Variants in DNAJC22 observed in about 807,000 individuals in gnomAD.
DNAJC22 encodes the protein DnaJ heat shock protein family (Hsp40) member C22, also known as dnaJ homolog subfamily C member 22.
Under a neutral mutation model 22.2 loss-of-function variants are expected in DNAJC22, and 24 were observed. The ratio of observed to expected loss-of-function variants is 1.08; its 90% CI spans 0.78 to 1.52. DNAJC22 has a LOEUF of 1.52. Among genes scored for constraint, DNAJC22 ranks in the 40% most tolerant of loss-of-function variants. DNAJC22 has a pLI of 0.00. For missense variants in DNAJC22, 434 were observed against 421.7 expected (o/e 1.03, Z -0.26); for synonymous variants, 160 against 167.4 (o/e 0.96, Z 0.34).
In DNAJC22 at chr12:49,351,484, C is replaced by T. The variant is rs374268136; in HGVS notation, c.1008C>T (p.Pro336=). Residue 336 remains proline, a synonymous_variant, in exon 4 of 4, where the codon CCC becomes CCT. Coordinates refer to ENST00000549441, the MANE Select transcript of DNAJC22 (RefSeq NM_001304944.2). The part of the protein sequence containing the change: ...AYEVLSQPRK[P]WGSRR ...AAGTCCTGAGTCAACCCAGGAAGCC[C>T]TGGGGATCCCGGAGGTGAAAAGAAA... 5.9e-4 allele frequency: 919 copies of T among 1,551,732 alleles called. 18 individuals are homozygous for T. The South Asian group carries it at 0.01, about 18-fold the overall frequency.
rs1424260601 is a variant in DNAJC22, at chr12:49,348,877, C to A, written c.5C>A (p.Ala2Asp). The A allele has an allele frequency of 2.1e-5, 32 of 1,495,464 alleles. No individual in the cohort carries two copies. The highest frequency in any genetic ancestry group is 2.8e-5 in the Non-Finnish European group (32 of 1,123,706). 92.6% of individuals were successfully genotyped at this position (1,495,464 alleles called of 1,614,324 possible). ...CTGAGACCTTTGCCCTAGAGGATGG[C>A]CAAGGGGCTCCTGGTGACCTATGCC... is the stretch of plus-strand genomic sequence containing the variant. M[A>D]KGLLVTYALW... Residue 2 changes from alanine to aspartate, a missense_variant, in exon 3 of 4, where the codon GCC (alanine) becomes GAC (aspartate). By Grantham distance (126) the Ala-to-Asp change is moderately radical. Transcript: ENST00000549441.
rs1054519676 is a variant in DNAJC22 at position 49,347,756 on chromosome 12, C to T, written c.-457C>T. The T allele has an allele frequency of 1.3e-5, 2 of 152,484 alleles. No homozygotes were observed. The highest frequency in any genetic ancestry group is 6.5e-5 in the Admixed American group (1 of 15,294). 9.4% of individuals were successfully genotyped at this position (152,484 alleles called of 1,614,324 possible). Reference sequence around the variant, plus strand: ...GGTGTCTGGGGACCGCCCGGACCCCCCCTTCCATCGGCGGCAGCGCCACCT... The same window carrying T: ...GGTGTCTGGGGACCGCCCGGACCCCTCCTTCCATCGGCGGCAGCGCCACCT... On this transcript the variant is annotated 5_prime_UTR_variant, in exon 2 of 4. Transcript: ENST00000549441.
Position 49,349,094 on chromosome 12 carries a change from C to G in DNAJC22, c.222C>G (p.Pro74=), listed in dbSNP as rs1393583190. 2.5e-6 allele frequency: 4 copies of G among 1,614,150 alleles called. No homozygotes were observed. Among genetic ancestry groups the G allele is most frequent in the Non-Finnish European group, 3.4e-6 (4 of 1,180,020 alleles). ...GQRQSPRGVT[P]PLSPIRFAAQ... ...GGCAGAGCCCCAGAGGGGTGACACC[C>G]CCTCTGAGTCCCATTCGCTTTGCTG... The change falls in exon 3 of 4, where the codon CCC becomes CCG. Residue 74 remains proline (P), a synonymous_variant. Transcript: ENST00000549441.
chr12:49,348,917 GGGCC>G lies in DNAJC22; in HGVS notation c.46_49del (p.Gly16LeufsTer20). Reference sequence around the variant, plus strand: ...TGACCTATGCCCTCTGGGCTGTGGGGGGCCCTGCTGGGCTCCACCACCTGTACCT... The same window carrying G: ...TGACCTATGCCCTCTGGGCTGTGGGGCTGCTGGGCTCCACCACCTGTACCT... On this transcript the variant is annotated frameshift_variant, in exon 3 of 4. Transcript: ENST00000549441. LOFTEE classifies it high-confidence loss of function. 8 of 1,519,542 alleles carry G rather than the reference GGGCC, an allele frequency of 5.3e-6. No homozygotes were observed. Among genetic ancestry groups the G allele is most frequent in the Non-Finnish European group, 7.0e-6 (8 of 1,136,640 alleles). The allele number at this position is 1,519,542 out of a possible 1,614,324, so 94.1% of individuals were successfully genotyped here.
Position 49,349,590 on chromosome 12 carries a change from T to C in DNAJC22, c.718T>C (p.Tyr240His). ...CATGGAGTTTGTCCTCCTTCTGCCT[T>C]ACCGGATCTGGAGGCTACTGATGGG... is the stretch of plus-strand genomic sequence containing the variant. ...RLMEFVLLLP[Y>H]RIWRLLMGET... The change falls in exon 3 of 4, where the codon TAC (tyrosine) becomes CAC (histidine). Residue 240 changes from tyrosine (Y) to histidine (H), a missense_variant. By Grantham distance (83) the Tyr-to-His change is moderately conservative. Coordinates refer to ENST00000549441, the MANE Select transcript of DNAJC22 (RefSeq NM_001304944.2). The C allele has an allele frequency of 6.2e-7, 1 of 1,614,248 alleles. No individual in the cohort carries two copies. Among genetic ancestry groups the C allele is most frequent in the Non-Finnish European group, 8.5e-7 (1 of 1,180,034 alleles).
Position 49,353,131 on chromosome 12 carries a change from G to A in DNAJC22, c.*1629G>A, listed in dbSNP as rs1408458840. On this transcript the variant is annotated 3_prime_UTR_variant, in exon 4 of 4. Coordinates refer to ENST00000549441, the MANE Select transcript of DNAJC22 (RefSeq NM_001304944.2). ...CTTTGGGAAACCCTAGGGAACCAGC[G>A]GCTAGAGCATCTCAAGGGGGCCTTA... 7 of 152,210 alleles carry A rather than the reference G, an allele frequency of 4.6e-5. No homozygotes were observed. Among genetic ancestry groups the A allele is most frequent in the South Asian group, 4.1e-4 (2 of 4,822 alleles). 9.4% of individuals were successfully genotyped at this position (152,210 alleles called of 1,614,324 possible). A position where few individuals can be genotyped will look rare whatever the true frequency, so the allele number is the denominator to read the frequency against.
rs1430821492 is a variant in DNAJC22, at chr12:49,351,828, A to G, written c.*326A>G. ...GGCAGGAGAATCACCTGAACCTGAG[A>G]GGCGGAGGTTGCAGTGAGCCGAGAT... On this transcript the variant is annotated 3_prime_UTR_variant, in exon 4 of 4. Coordinates refer to ENST00000549441, the MANE Select transcript of DNAJC22 (RefSeq NM_001304944.2). 3 of 159,972 alleles carry G rather than the reference A, an allele frequency of 1.9e-5. No homozygotes were observed. The highest frequency in any genetic ancestry group is 7.3e-5 in the African/African-American group (3 of 41,358). The allele number at this position is 159,972 out of a possible 1,614,324, so 9.9% of individuals were successfully genotyped here. A position where few individuals can be genotyped will look rare whatever the true frequency, so the allele number is the denominator to read the frequency against.
In DNAJC22 at chr12:49,349,549, C is replaced by T; in HGVS notation, c.677C>T (p.Pro226Leu). 1.9e-6 allele frequency: 3 copies of T among 1,614,266 alleles called. No individual in the cohort carries two copies. Among genetic ancestry groups the T allele is most frequent in the South Asian group, 1.1e-5 (1 of 91,086 alleles). ...TTCTTGAATTGGTTCAGCTTCTTCC[C>T]CCTTCTTGGCCGCCTCATGGAGTTT... is the stretch of plus-strand genomic sequence containing the variant. ...GSFLNWFSFFPLLGRLMEFVL... is the reference protein window; with the variant it reads ...GSFLNWFSFFLLLGRLMEFVL... The change falls in exon 3 of 4, where the codon CCC becomes CTC. Residue 226 changes from proline (P) to leucine (L), a missense_variant. Physicochemically the swap from Pro to Leu is moderately conservative, Grantham distance 98. Transcript: ENST00000549441.
Position 49,352,367 on chromosome 12 carries a change from T to C in DNAJC22, c.*865T>C, listed in dbSNP as rs1350973751. On this transcript the variant is annotated 3_prime_UTR_variant, in exon 4 of 4. Coordinates refer to ENST00000549441, the MANE Select transcript of DNAJC22 (RefSeq NM_001304944.2). ...CCCATCTCTACTAAAAATACAAAAC[T>C]TAGCCAGCCATGGTGGCACATGCCT... The C allele has an allele frequency of 3.3e-5, 5 of 152,066 alleles. No individual in the cohort carries two copies. Among genetic ancestry groups the C allele is most frequent in the African/African-American group, 1.2e-4 (5 of 41,360 alleles). The allele number at this position is 152,066 out of a possible 1,614,324, so 9.4% of individuals were successfully genotyped here. A position where few individuals can be genotyped will look rare whatever the true frequency, so the allele number is the denominator to read the frequency against.
At chr12:49,350,793 C>T (rs979082817) in intron 3 of DNAJC22, among the ~76,000 whole-genome samples, 2 of 152,138 alleles carry the variant, frequency 1.3e-5, no homozygotes, top group Non-Finnish European at 2.9e-5. Context: ...CCACCACGCC[C>T]GACCATTATT....
Position 49,349,135 on chromosome 12 carries a change from G to T in DNAJC22, c.263G>T (p.Gly88Val). Residue 88 changes from glycine to valine, a missense_variant, in exon 3 of 4, where the codon GGC (glycine) becomes GTC (valine). Transcript: ENST00000549441. ...PIRFAAQVIVGIYFGLVALIS... is the reference protein window; with the variant it reads ...PIRFAAQVIVVIYFGLVALIS... ...CGCTTTGCTGCCCAGGTGATAGTTGGCATCTATTTTGGCCTTGTGGCACTG... is the reference window on the plus strand; with the variant it reads ...CGCTTTGCTGCCCAGGTGATAGTTGTCATCTATTTTGGCCTTGTGGCACTG... The T allele has an allele frequency of 6.2e-7, 1 of 1,614,146 alleles. No homozygotes were observed. The highest frequency in any genetic ancestry group is 8.5e-7 in the Non-Finnish European group (1 of 1,180,030).
rs375925397 is a variant in DNAJC22, at chr12:49,348,903, C to T, written c.31C>T (p.Leu11Phe). Residue 11 changes from leucine (L) to phenylalanine (F), a missense_variant, in exon 3 of 4, where the codon CTC (leucine) becomes TTC (phenylalanine). Physicochemically the swap from Leu to Phe is conservative, Grantham distance 22 (BLOSUM62 0). Transcript: ENST00000549441. ...CAAGGGGCTCCTGGTGACCTATGCC[C>T]TCTGGGCTGTGGGGGGCCCTGCTGG... MAKGLLVTYA[L>F]WAVGGPAGLH... The T allele has an allele frequency of 7.9e-6, 12 of 1,518,052 alleles. No individual in the cohort carries two copies. The highest frequency in any genetic ancestry group is 1.3e-5 in the South Asian group (1 of 74,742). 94.0% of individuals were successfully genotyped at this position (1,518,052 alleles called of 1,614,324 possible).
In DNAJC22 at chr12:49,351,767, G is replaced by A. The variant is rs973531447; in HGVS notation, c.*265G>A. 9 of 203,954 alleles carry A rather than the reference G, an allele frequency of 4.4e-5. No individual in the cohort carries two copies. The highest frequency in any genetic ancestry group is 5.7e-5 in the Admixed American group (1 of 17,494). 12.6% of individuals were successfully genotyped at this position (203,954 alleles called of 1,614,324 possible). ...TACAAAAAATTAGCCAGGAGTGGTG[G>A]CAGGCACCTGTAGTCCCAGCTACTT... is the stretch of plus-strand genomic sequence containing the variant. On this transcript the variant is annotated 3_prime_UTR_variant, in exon 4 of 4. Transcript: ENST00000549441.
rs1305451672 is a variant in DNAJC22 at position 49,351,402 on chromosome 12, A to C, written c.926A>C (p.Asn309Thr). 1 of 1,613,128 alleles carries C rather than the reference A, an allele frequency of 6.2e-7. No individual in the cohort carries two copies. The highest frequency in any genetic ancestry group is 1.1e-5 in the South Asian group (1 of 91,020). The change falls in exon 4 of 4, where the codon AAC becomes ACC. Residue 309 changes from asparagine to threonine, a missense_variant. By Grantham distance (65) the Asn-to-Thr change is moderately conservative. Transcript: ENST00000549441. ...GTGAAGGTCTGGCACCCAGACCACA[A>C]CCTGGACCAGACAGAGGAGGCACAG... ...ELVKVWHPDH[N>T]LDQTEEAQRH...
At position 49,351,612 on chromosome 12, in the gene DNAJC22, C is replaced by A. The variant is rs1592323972; in HGVS notation, c.*110C>A. 1 of 1,251,676 alleles carries A rather than the reference C, an allele frequency of 8.0e-7. No homozygotes were observed. The highest frequency in any genetic ancestry group is 1.1e-6 in the Non-Finnish European group (1 of 940,890). The allele number at this position is 1,251,676 out of a possible 1,614,324, so 77.5% of individuals were successfully genotyped here. ...CCAACAGAGTTAAAGAAACTGCTTG[C>A]AGGGGCTGGGCGTGGTGGCTCATGC... On this transcript the variant is annotated 3_prime_UTR_variant, in exon 4 of 4. Coordinates refer to ENST00000549441, the MANE Select transcript of DNAJC22 (RefSeq NM_001304944.2).
intron 3 of DNAJC22, chr12:49,349,943 A>G (rs923922825): frequency 2.0e-5 from 18 of 914,350 alleles, no homozygotes; most frequent in Non-Finnish European, 2.2e-5. Context: ...TGTATACCTG[A>G]CTCAGATCAA....
intron 3 of DNAJC22, chr12:49,351,066 T>C (rs1943777533): frequency 1.2e-6 from 1 of 802,626 alleles, no homozygotes; most frequent in Non-Finnish European, 1.5e-6. Context: ...TTGTGGTTAA[T>C]GGCTCTTGCC....
chr12:49,351,069 C>A, intron 3 of DNAJC22: 2 of 830,410 alleles, frequency 2.4e-6, no homozygotes, highest in Non-Finnish European at 2.9e-6. Flanking sequence ...TGGTTAATGG[C>A]TCTTGCCATG....
chr12:49,351,223 G>T, intron 3 of DNAJC22, 94 bp from the exon 4 acceptor site: 2 of 1,584,970 alleles, frequency 1.3e-6, no homozygotes, highest in South Asian at 1.1e-5. Context: ...CAATTCTAGA[G>T]ATATGATAGC....
Sources: allele counts gnomAD v4.1 joint callset (sites outside exome capture counted in the v4.1 genomes callset), GRCh38; gene constraint gnomAD v4.1.1; transcripts MANE v1.5; gene names NCBI Gene and HGNC (gene_info 2026-07-23, HGNC 2026-07-21).